CDH11: variants seen among roughly 807,000 people sequenced by gnomAD.
The protein encoded by CDH11 is cadherin-11.
A neutral mutation model predicts 67.8 loss-of-function variants in CDH11; 11 were observed. That is an observed-to-expected ratio of 0.16 (90% CI 0.10 to 0.27). The LOEUF is 0.27. Ranked by LOEUF, CDH11 falls within the 10% of genes least tolerant of loss-of-function variation. The pLI is 1.00. For synonymous variants in CDH11, 419 were observed against 400.0 expected (o/e 1.05, Z -0.57); for missense variants, 847 against 1,031.2 (o/e 0.82, Z 2.45).
chr16:65,027,207 A>G lies in CDH11; in HGVS notation c.-172-22166T>C, dbSNP rs150395506. 4.6e-5 allele frequency among the ~76,000 whole-genome samples: 7 copies of G among 152,326 alleles called. No homozygotes were observed. The East Asian group carries it at 1.4e-3, about 29-fold the overall frequency. On this transcript the variant is annotated intron_variant, in intron 2 of 12. Coordinates refer to ENST00000268603, the MANE Select transcript of CDH11 (RefSeq NM_001797.4). ...AGGGACAATTCTGTTCTGGACAGCA[A>G]ATGTTAAAAAAGTGACACTAACCTT... is the stretch of plus-strand genomic sequence containing the variant.
At chr16:64,990,213 C>A (rs2072594954) in intron 6 of CDH11, among the ~76,000 whole-genome samples, 1 of 152,176 alleles carries the variant, frequency 6.6e-6, no homozygotes, top group African/African-American at 2.4e-5. Context: ...CTTGACCTTT[C>A]TTTTCCAGCT....
chr16:64,958,455 T>C (rs1038110756), intron 11 of CDH11, among the ~76,000 whole-genome samples: 1 of 152,224 alleles, frequency 6.6e-6, no homozygotes, highest in Admixed American at 6.5e-5. Flanking sequence ...TTGATTGAAC[T>C]GCTAATATGG....
At position 64,944,306 on chromosome 16, in the gene CDH11, G is replaced by C. The variant is rs2142355649; in HGVS notation, c.*3297C>G. The stretch of plus-strand genomic sequence containing the variant: ...CCGGGTCAGAGATGACCATGGCCCA[G>C]ACCAGGCTGATGGCAGTGCAAGAGC... On this transcript the variant is annotated 3_prime_UTR_variant, in exon 13 of 13. Coordinates refer to ENST00000268603, the MANE Select transcript of CDH11 (RefSeq NM_001797.4). 1 of 232,940 alleles carries C rather than the reference G, an allele frequency of 4.3e-6. No homozygotes were observed. Among genetic ancestry groups the C allele is most frequent in the East Asian group, 6.0e-5 (1 of 16,538 alleles). 14.4% of individuals were successfully genotyped at this position (232,940 alleles called of 1,614,324 possible). A position where few individuals can be genotyped will look rare whatever the true frequency, so the allele number is the denominator to read the frequency against.
In CDH11 at chr16:64,946,748, G is replaced by A. The variant is rs537692903; in HGVS notation, c.*855C>T. On this transcript the variant is annotated 3_prime_UTR_variant, in exon 13 of 13. Coordinates refer to ENST00000268603, the MANE Select transcript of CDH11 (RefSeq NM_001797.4). ...AAATGGATCATTAGAAATACTTAAC[G>A]TTTGTTTCAATGTTAAGAATCAAAC... The A allele has an allele frequency of 4.5e-5, 40 of 898,640 alleles. No individual in the cohort carries two copies. The highest frequency in any genetic ancestry group is 1.6e-4 in the African/African-American group (9 of 56,136). The allele number at this position is 898,640 out of a possible 1,614,324, so 55.7% of individuals were successfully genotyped here.
chr16:65,122,554 A>G (rs1341126425), upstream of CDH11, among the ~76,000 whole-genome samples: 2 of 152,148 alleles, frequency 1.3e-5, no homozygotes, highest in South Asian at 2.1e-4. Flanking sequence ...GAGGGAAGCA[A>G]TTGGGAATTC....
chr16:65,068,938 G>T (rs1305176620), intron 1 of CDH11, among the ~76,000 whole-genome samples: 1 of 152,150 alleles, frequency 6.6e-6, no homozygotes, highest in East Asian at 1.9e-4. Context: ...TGACTAATTT[G>T]ATGTTTCCCT....
At chr16:65,025,563 G>T (rs984997576) in intron 2 of CDH11, among the ~76,000 whole-genome samples, 5 of 152,142 alleles carry the variant, frequency 3.3e-5, no homozygotes, top group African/African-American at 1.2e-4. Flanking sequence ...GACTGGTCTT[G>T]AACTCCTGAT....
chr16:65,123,508 G>A (rs1442514803), upstream of CDH11, among the ~76,000 whole-genome samples: 3 of 151,968 alleles, frequency 2.0e-5, no homozygotes, highest in African/African-American at 4.8e-5. Context: ...TGAGCGCATG[G>A]GGAAGGAACC....
rs56310456 is a variant in CDH11, at chr16:64,991,590, A to G, written c.811+178T>C. On this transcript the variant is annotated intron_variant, in intron 6 of 12. Coordinates refer to ENST00000268603, the MANE Select transcript of CDH11 (RefSeq NM_001797.4). ...ATTCTCCTACTACCTCTACTCCCCG[A>G]CATTGTTGTTGTTGTTGTTGTCTTG... The G allele has an allele frequency of 5.0e-4, 263 of 527,770 alleles. 1 individual carries two copies. The highest frequency in any genetic ancestry group is 5.8e-4 in the Non-Finnish European group (167 of 290,212). 32.7% of individuals were successfully genotyped at this position (527,770 alleles called of 1,614,324 possible). A position where few individuals can be genotyped will look rare whatever the true frequency, so the allele number is the denominator to read the frequency against.
At position 65,004,785 on chromosome 16, in the gene CDH11, C is replaced by A; in HGVS notation, c.85G>T (p.Gly29Trp). The change falls in exon 3 of 13, where the codon GGG (glycine) becomes TGG (tryptophan). Residue 29 changes from glycine (G) to tryptophan (W), a missense_variant. Gly to Trp is a radical substitution (Grantham distance 184, BLOSUM62 -2). Coordinates refer to ENST00000268603, the MANE Select transcript of CDH11 (RefSeq NM_001797.4). ...HSHAFAPERRGHLRPSFHGHH... is the reference protein window; with the variant it reads ...HSHAFAPERRWHLRPSFHGHH... ...CCATGGAAGGAGGGCCGCAGGTGCCCCCGCCGCTCTGGGGCAAAGGCATGG... is the reference window on the plus strand; with the variant it reads ...CCATGGAAGGAGGGCCGCAGGTGCCACCGCCGCTCTGGGGCAAAGGCATGG... 2 of 1,600,002 alleles carry A rather than the reference C, an allele frequency of 1.3e-6. No homozygotes were observed. Among genetic ancestry groups the A allele is most frequent in the East Asian group, 4.6e-5 (2 of 43,768 alleles).
chr16:64,995,093 G>T (rs1252098322), intron 4 of CDH11, among the ~76,000 whole-genome samples: 1 of 152,100 alleles, frequency 6.6e-6, no homozygotes, highest in African/African-American at 2.4e-5. Flanking sequence ...TCCTTTCAAT[G>T]ATATTGATTC....
chr16:64,971,472 A>G, intron 11 of CDH11, 107 bp downstream of exon 11: 1 of 675,184 alleles, frequency 1.5e-6, no homozygotes, highest in Non-Finnish European at 2.6e-6. Context: ...TTCTTCTTCA[A>G]CAGGAAGACA....
At chr16:65,088,532 T>C (rs1388013752) in intron 1 of CDH11, among the ~76,000 whole-genome samples, 2 of 152,230 alleles carry the variant, frequency 1.3e-5, no homozygotes, top group Non-Finnish European at 2.9e-5. Flanking sequence ...ATTAAAAATA[T>C]ATTCATTATT....
chr16:65,120,484 TAAG>T (rs2075307156), intron 1 of CDH11, among the ~76,000 whole-genome samples: 1 of 151,856 alleles, frequency 6.6e-6, no homozygotes, highest in Admixed American at 6.6e-5. Flanking sequence ...AAGAAGAAAA[TAAG>T]AAAAGATTTC....
Position 64,946,493 on chromosome 16 carries a change from T to C in CDH11, c.*1110A>G. The stretch of plus-strand genomic sequence containing the variant: ...CTATATAACACATATTGCAAAGTCA[T>C]AGACTGACCTAGTTCTTTCACATCC... On this transcript the variant is annotated 3_prime_UTR_variant, in exon 13 of 13. Coordinates refer to ENST00000268603, the MANE Select transcript of CDH11 (RefSeq NM_001797.4). 9.7e-7 allele frequency: 1 copy of C among 1,030,054 alleles called. No individual in the cohort carries two copies. The highest frequency in any genetic ancestry group is 1.2e-6 in the Non-Finnish European group (1 of 856,654). 63.8% of individuals were successfully genotyped at this position (1,030,054 alleles called of 1,614,324 possible).
chr16:65,103,001 C>T lies in CDH11; in HGVS notation c.-298+18879G>A, dbSNP rs937982743. Among the ~76,000 whole-genome samples the T allele has an allele frequency of 3.2e-4, 49 of 152,282 alleles. 1 individual carries two copies. The highest frequency in any genetic ancestry group is 1.1e-3 in the African/African-American group (45 of 41,560). On this transcript the variant is annotated intron_variant, in intron 1 of 12. Coordinates refer to ENST00000268603, the MANE Select transcript of CDH11 (RefSeq NM_001797.4). Reference sequence around the variant, plus strand: ...CAACAACTGCAACCTGGAGCCAGCCCGTCTCTCTGTGCCCTCCTCTTGTCA... The same window carrying T: ...CAACAACTGCAACCTGGAGCCAGCCTGTCTCTCTGTGCCCTCCTCTTGTCA...
intron 1 of CDH11, among the ~76,000 whole-genome samples, chr16:65,112,340 G>C (rs1597209881): frequency 6.6e-6 from 1 of 152,178 alleles, no homozygotes; most frequent in East Asian, 1.9e-4. Flanking sequence ...GGTCTAGGTG[G>C]CCTCTGTAGT....
At chr16:64,995,297 C>A (rs544459664) in intron 4 of CDH11, among the ~76,000 whole-genome samples, 10 of 152,004 alleles carry the variant, frequency 6.6e-5, no homozygotes, top group African/African-American at 2.2e-4. Flanking sequence ...CAATCCTAAG[C>A]AAAAAGAAAA....
intron 2 of CDH11, among the ~76,000 whole-genome samples, chr16:65,044,933 A>C (rs1330593756): frequency 2.6e-5 from 4 of 152,088 alleles, no homozygotes; most frequent in Non-Finnish European, 5.9e-5. Flanking sequence ...AAGAGAGAAT[A>C]GAGCTGGACA....
Sources: gnomAD v4.1 joint callset for allele counts (sites outside exome capture counted in the v4.1 genomes callset) on GRCh38, gnomAD v4.1.1 for gene constraint, MANE v1.5 for transcripts, NCBI Gene and HGNC (gene_info 2026-07-23, HGNC 2026-07-21) for gene names.